The following FGF14 variants were observed in gnomAD, a reference collection of about 807,000 sequenced individuals.
FGF14 encodes fibroblast growth factor homologous factor 4.
A neutral mutation model predicts 25.5 loss-of-function variants in FGF14; 5 were observed. The observed-to-expected ratio is 0.20, with a 90% CI of 0.10 to 0.41. The LOEUF (loss-of-function observed/expected upper bound fraction) is 0.41, where lower values mean the gene tolerates loss of function less well. Among genes scored for constraint, FGF14 ranks in the 10% least tolerant of loss-of-function variants. FGF14 has a pLI of 1.00. For synonymous variants in FGF14, 138 were observed against 118.3 expected (o/e 1.17, Z -1.08); for missense variants, 222 against 320.1 (o/e 0.69, Z 2.34).
intron 1 of FGF14, among the ~76,000 whole-genome samples, chr13:102,262,504 G>A (rs539159322): frequency 4.0e-4 from 60 of 151,892 alleles, no homozygotes; most frequent in Non-Finnish European, 5.2e-4. Flanking sequence ...GTGGGTAATT[G>A]TTTATTTTAA....
intron 1 of FGF14, among the ~76,000 whole-genome samples, chr13:102,201,247 C>T (rs1426616492): frequency 6.6e-6 from 1 of 150,698 alleles, no homozygotes. Context: ...ACTTAGTTTC[C>T]TTTGAATCCA....
intron 3 of FGF14, among the ~76,000 whole-genome samples, chr13:101,774,150 ACT>A (rs2038950633): frequency 6.6e-6 from 1 of 152,088 alleles, no homozygotes. Flanking sequence ...ATTTGATACA[ACT>A]CAGTCTGAAA....
At chr13:102,088,793 T>C (rs989930243) in intron 1 of FGF14, among the ~76,000 whole-genome samples, 1 of 152,154 alleles carries the variant, frequency 6.6e-6, no homozygotes, top group African/African-American at 2.4e-5. Context: ...ACTCATATCA[T>C]AGCAAATATT....
chr13:102,054,331 T>A (rs984490263), intron 1 of FGF14, among the ~76,000 whole-genome samples: 7 of 152,224 alleles, frequency 4.6e-5, no homozygotes, highest in African/African-American at 1.7e-4. Flanking sequence ...TAGAATTTTA[T>A]CTCCTCTTTT....
intron 1 of FGF14, among the ~76,000 whole-genome samples, chr13:102,303,016 G>C (rs1198030756): frequency 6.6e-6 from 1 of 152,082 alleles, no homozygotes; most frequent in Non-Finnish European, 1.5e-5. Flanking sequence ...TCCTAAATGA[G>C]CTGCCCCCAG....
intron 1 of FGF14, among the ~76,000 whole-genome samples, chr13:102,113,840 G>C (rs2140332174): frequency 6.6e-6 from 1 of 152,302 alleles, no homozygotes; most frequent in East Asian, 1.9e-4. Context: ...TTCACAAGTA[G>C]TAAAAGGAAT....
At position 102,115,742 on chromosome 13, in the gene FGF14, T is replaced by C. The variant is rs1258437572; in HGVS notation, c.209-240446A>G. Among the ~76,000 whole-genome samples the C allele has an allele frequency of 4.6e-5, 7 of 152,226 alleles. No homozygotes were observed. The East Asian group carries it at 5.8e-4, about 13-fold the overall frequency. On this transcript the variant is annotated intron_variant, in intron 1 of 4. Coordinates refer to the FGF14 transcript ENST00000376131. ...CCTATCGAGTATTTTGCTCAATACCTTGGTGACAAGATCACTTGTACACCA... is the reference window on the plus strand; with the variant it reads ...CCTATCGAGTATTTTGCTCAATACCCTGGTGACAAGATCACTTGTACACCA...
intron 1 of FGF14, among the ~76,000 whole-genome samples, chr13:101,890,028 T>C (rs1399080298): frequency 6.6e-6 from 1 of 152,168 alleles, no homozygotes; most frequent in Non-Finnish European, 1.5e-5. Context: ...CTAATTATGA[T>C]ATTGTACCAA....
intron 1 of FGF14, among the ~76,000 whole-genome samples, chr13:102,301,959 G>C (rs2055086840): frequency 6.6e-6 from 1 of 151,658 alleles, no homozygotes; most frequent in Non-Finnish European, 1.5e-5. Flanking sequence ...ATATCTGACA[G>C]CCACCTGCCT....
At chr13:102,155,124 G>A (rs2069538611) in intron 1 of FGF14, among the ~76,000 whole-genome samples, 1 of 152,112 alleles carries the variant, frequency 6.6e-6, no homozygotes, top group South Asian at 2.1e-4. Context: ...AGTTAACAAG[G>A]ATATCCAGGA....
intron 1 of FGF14, among the ~76,000 whole-genome samples, chr13:101,963,655 C>A (rs2037007760): frequency 6.6e-6 from 1 of 152,196 alleles, no homozygotes; most frequent in South Asian, 2.1e-4. Context: ...TATTCTGTCA[C>A]CCTTCTGTAT....
At chr13:101,761,319 AC>A in intron 3 of FGF14, among the ~76,000 whole-genome samples, 1 of 152,320 alleles carries the variant, frequency 6.6e-6, no homozygotes, top group South Asian at 2.1e-4. Flanking sequence ...ATAATGACAC[AC>A]ATAGATAGAG....
chr13:102,161,166 T>C (rs1243994998), intron 1 of FGF14, among the ~76,000 whole-genome samples: 1 of 152,178 alleles, frequency 6.6e-6, no homozygotes, highest in Admixed American at 6.5e-5. Flanking sequence ...ATATCTACAA[T>C]GTATCAGGTA....
At chr13:102,132,081 A>C (rs2046222060) in intron 1 of FGF14, among the ~76,000 whole-genome samples, 1 of 152,110 alleles carries the variant, frequency 6.6e-6, no homozygotes, top group South Asian at 2.1e-4. Context: ...AATATCCCAG[A>C]GATATTCTCA....
intron 1 of FGF14, among the ~76,000 whole-genome samples, chr13:102,135,595 T>C (rs1301073181): frequency 6.6e-6 from 1 of 152,240 alleles, no homozygotes; most frequent in Non-Finnish European, 1.5e-5. Flanking sequence ...GTTTATAATA[T>C]TTGGAAAACT....
intron 1 of FGF14, among the ~76,000 whole-genome samples, chr13:101,965,302 C>T (rs533006893): frequency 9.3e-5 from 14 of 151,040 alleles, no homozygotes; most frequent in Admixed American, 2.6e-4. Flanking sequence ...TTATTGCAAA[C>T]GCTACACATG....
At chr13:102,157,290 G>A (rs1439868078) in intron 1 of FGF14, among the ~76,000 whole-genome samples, 2 of 152,188 alleles carry the variant, frequency 1.3e-5, no homozygotes, top group Non-Finnish European at 1.5e-5. Context: ...AAGCAGCATG[G>A]TACTGGTACC....
At chr13:102,243,022 G>A (rs905294113) in intron 1 of FGF14, among the ~76,000 whole-genome samples, 6 of 152,032 alleles carry the variant, frequency 3.9e-5, no homozygotes, top group Non-Finnish European at 8.8e-5. Flanking sequence ...CCAAAGCTTG[G>A]CCATAAAACC....
At chr13:102,084,573 C>A (rs1468012446) in intron 1 of FGF14, among the ~76,000 whole-genome samples, 1 of 152,080 alleles carries the variant, frequency 6.6e-6, no homozygotes, top group Non-Finnish European at 1.5e-5. Context: ...CAGGACAGAG[C>A]ACACAATTAA....
Sources: allele counts gnomAD v4.1 joint callset (sites outside exome capture counted in the v4.1 genomes callset), GRCh38; gene constraint gnomAD v4.1.1; transcripts MANE v1.5; gene names NCBI Gene and HGNC (gene_info 2026-07-23, HGNC 2026-07-21).